LRBA: variants seen among roughly 807,000 people sequenced by gnomAD.
LRBA encodes LPS responsive beige-like anchor protein.
LRBA carries 176 observed loss-of-function variants against 330.0 expected under a neutral mutation model. The ratio of observed to expected loss-of-function variants is 0.53; its 90% CI spans 0.47 to 0.60. The LOEUF (loss-of-function observed/expected upper bound fraction) is 0.60, where lower values mean the gene tolerates loss of function less well. Ranked by LOEUF, LRBA falls within the 20% of genes least tolerant of loss-of-function variation. The pLI, the probability that LRBA is intolerant of heterozygous loss-of-function variation, is 0.00. For missense variants in LRBA, 3,259 were observed against 3,444.8 expected (o/e 0.95, Z 1.35); for synonymous variants, 1,230 against 1,193.0 (o/e 1.03, Z -0.64).
chr4:150,280,722 A>G (rs1486900962), intron 55 of LRBA, among the ~76,000 whole-genome samples: 1 of 152,166 alleles, frequency 6.6e-6, no homozygotes, highest in East Asian at 1.9e-4. Flanking sequence ...CATTCCTTAT[A>G]TGGGCTCAGA....
rs192912345 is a variant in LRBA, at chr4:150,960,491, G to A, written c.217-31426C>T. Among the ~76,000 whole-genome samples, 4 of 149,132 alleles carry A rather than the reference G, an allele frequency of 2.7e-5. No homozygotes were observed. The East Asian group carries it at 7.7e-4, about 29-fold the overall frequency. ...TAGAATGACCTGAGACTTAAAAAAC[G>A]TGTTTTTTAAAACTAAGAAAAACTA... On this transcript the variant is annotated intron_variant, in intron 2 of 56. Transcript: ENST00000651943.
At chr4:150,480,468 G>A (rs373670675) in intron 42 of LRBA, among the ~76,000 whole-genome samples, 1 of 151,894 alleles carries the variant, frequency 6.6e-6, no homozygotes, top group East Asian at 1.9e-4. Flanking sequence ...ATTGTATGAT[G>A]TAATAGAGCA....
At chr4:150,750,677 C>T (rs1016319047) in intron 35 of LRBA, among the ~76,000 whole-genome samples, 1 of 151,974 alleles carries the variant, frequency 6.6e-6, no homozygotes, top group African/African-American at 2.4e-5. Flanking sequence ...AAGCAATCCT[C>T]CCATCTTAGT....
At chr4:150,903,846 C>T (rs1218781911) in intron 13 of LRBA, among the ~76,000 whole-genome samples, 1 of 152,140 alleles carries the variant, frequency 6.6e-6, no homozygotes, top group Non-Finnish European at 1.5e-5. Flanking sequence ...ACTCCAATAG[C>T]CACACAAATT....
chr4:150,978,838 G>A (rs1583189), intron 2 of LRBA, among the ~76,000 whole-genome samples: 116,683 of 151,988 alleles, frequency 0.77, 49,134 homozygotes, highest in Non-Finnish European at 0.95. Flanking sequence ...ACACTTAGAG[G>A]AGACAAAAAC....
chr4:150,581,703 T>A (rs1771360287), intron 40 of LRBA: 1 of 153,284 alleles, frequency 6.5e-6, no homozygotes, highest in African/African-American at 2.4e-5. Flanking sequence ...TGTGCAAGCA[T>A]TTGACTCCCA....
At chr4:150,533,982 C>A (rs982796231) in intron 40 of LRBA, among the ~76,000 whole-genome samples, 4 of 152,104 alleles carry the variant, frequency 2.6e-5, no homozygotes, top group African/African-American at 9.7e-5. Context: ...GATCCACAGA[C>A]CCACATCAAG....
At chr4:150,371,337 C>T (rs1286061247) in intron 47 of LRBA, among the ~76,000 whole-genome samples, 3 of 151,388 alleles carry the variant, frequency 2.0e-5, no homozygotes, top group Non-Finnish European at 2.9e-5. Flanking sequence ...GGATTACAGT[C>T]GCCCGCCACC....
chr4:150,310,097 GC>G, intron 52 of LRBA, 131 bp downstream of exon 52: 1 of 606,782 alleles, frequency 1.6e-6, no homozygotes, highest in East Asian at 2.6e-5. Context: ...GGAAAACAAT[GC>G]CCTCTTCTCC....
At chr4:150,535,993 C>G (rs915191849) in intron 40 of LRBA, among the ~76,000 whole-genome samples, 2 of 152,044 alleles carry the variant, frequency 1.3e-5, no homozygotes, top group African/African-American at 2.4e-5. Flanking sequence ...TATAACCAAG[C>G]CTTTACATTT....
At chr4:150,959,451 G>A (rs1737897014) in intron 2 of LRBA, among the ~76,000 whole-genome samples, 1 of 149,134 alleles carries the variant, frequency 6.7e-6, no homozygotes, top group Non-Finnish European at 1.5e-5. Context: ...GAAATATCTT[G>A]CCATAAAAAT....
rs182299279 is a variant in LRBA at position 150,850,155 on chromosome 4, G to A, written c.4004+569C>T. On this transcript the variant is annotated intron_variant, in intron 24 of 56. Transcript: ENST00000651943. ...GTCGCCCAGGCCGGAGTGCAGTGGC[G>A]TGGTCTCAGCTCACTGCAAGCGCCA... Among the ~76,000 whole-genome samples the A allele has an allele frequency of 2.4e-3, 355 of 150,762 alleles. 2 individuals carry two copies. The highest frequency in any genetic ancestry group is 5.4e-3 in the Admixed American group (82 of 15,146).
chr4:150,559,832 A>T (rs1469683194), intron 40 of LRBA, among the ~76,000 whole-genome samples: 3 of 57,214 alleles, frequency 5.2e-5, no homozygotes, highest in Non-Finnish European at 6.5e-5. Context: ...AATAATATAA[A>T]ATATAATATA....
In LRBA at chr4:150,435,632, G is replaced by A; in HGVS notation, c.6998C>T (p.Ser2333Phe). The A allele has an allele frequency of 1.2e-6, 2 of 1,613,192 alleles. No individual in the cohort carries two copies. The highest frequency in any genetic ancestry group is 1.1e-5 in the South Asian group (1 of 90,936). ...ACGCTGACTGTTTCGCCAAGCTCTG[G>A]AAATTGATGAAAAAGTTCGATCTGC... ...DHADRTFSSI[S>F]RAWRNSQRDT... Residue 2333 changes from serine (S) to phenylalanine (F), a missense_variant, in exon 46 of 57, where the codon TCC becomes TTC. Physicochemically the swap from Ser to Phe is radical, Grantham distance 155. Coordinates refer to ENST00000651943, the MANE Select transcript of LRBA (RefSeq NM_001364905.1).
chr4:151,005,221 G>A (rs188181662), intron 2 of LRBA, among the ~76,000 whole-genome samples: 272 of 151,652 alleles, frequency 1.8e-3, no homozygotes, highest in Admixed American at 4.9e-3. Flanking sequence ...CAAGGTGGGC[G>A]GATCATGAGG....
chr4:150,867,930 T>G, intron 21 of LRBA, 67 bp from the exon 22 acceptor site: 1 of 1,346,458 alleles, frequency 7.4e-7, no homozygotes, highest in South Asian at 1.4e-5. Context: ...ATCTAAAGGT[T>G]TAAAACAAAA....
At chr4:150,429,330 G>A (rs1283689080) in intron 46 of LRBA, among the ~76,000 whole-genome samples, 1 of 152,030 alleles carries the variant, frequency 6.6e-6, no homozygotes, top group Non-Finnish European at 1.5e-5. Flanking sequence ...AGGTGCTGAG[G>A]TCAGAAGTAC....
At chr4:150,823,107 A>G (rs184894516) in intron 30 of LRBA, among the ~76,000 whole-genome samples, 15 of 152,322 alleles carry the variant, frequency 9.8e-5, no homozygotes, top group Admixed American at 9.8e-4. Context: ...TCTTTTGGAT[A>G]TAAGCGATTT....
intron 37 of LRBA, among the ~76,000 whole-genome samples, chr4:150,649,466 G>A (rs1293139892): frequency 6.6e-6 from 1 of 152,100 alleles, no homozygotes; most frequent in Non-Finnish European, 1.5e-5. Context: ...CTGAAGTAAC[G>A]CTTTTGCATC....
Sources: allele counts gnomAD v4.1 joint callset (sites outside exome capture counted in the v4.1 genomes callset), GRCh38; gene constraint gnomAD v4.1.1; transcripts MANE v1.5; gene names NCBI Gene and HGNC (gene_info 2026-07-23, HGNC 2026-07-21).